Variants in PRIM1 observed in about 807,000 individuals in gnomAD.
PRIM1 encodes the protein DNA primase small subunit.
PRIM1 carries 38 observed loss-of-function variants against 60.2 expected under a neutral mutation model. The observed-to-expected ratio is 0.63, with a 90% confidence interval of 0.49 to 0.83. The LOEUF (loss-of-function observed/expected upper bound fraction) is 0.83. Among genes scored for constraint, PRIM1 ranks in the 40% least tolerant of loss-of-function variants. The pLI, the probability that PRIM1 is intolerant of heterozygous loss-of-function variation, is 0.00. For missense variants in PRIM1, 388 were observed against 506.2 expected (o/e 0.77, Z 2.24); for synonymous variants, 158 against 160.2 (o/e 0.99, Z 0.10).
At chr12:56,752,066 C>T in intron 1 of PRIM1, 130 bp downstream of exon 1, 1 of 521,220 alleles carries the variant, frequency 1.9e-6, no homozygotes, top group Non-Finnish European at 3.4e-6. Context: ...GGGGCGGGCT[C>T]GAGAGAGCAA....
At chr12:56,732,481 CCT>C (rs1318130802) in intron 12 of PRIM1, among the ~76,000 whole-genome samples, 1 of 152,134 alleles carries the variant, frequency 6.6e-6, no homozygotes, top group Non-Finnish European at 1.5e-5. Flanking sequence ...TATTCTAGTC[CCT>C]GTCTTGCCCA....
Position 56,739,289 on chromosome 12 carries a change from C to T in PRIM1, c.1052+5G>A. The T allele has an allele frequency of 1.3e-6, 2 of 1,549,258 alleles. No homozygotes were observed. Among genetic ancestry groups the T allele is most frequent in the Non-Finnish European group, 1.8e-6 (2 of 1,137,402 alleles). On this transcript the variant is annotated splice_donor_5th_base_variant and intron_variant, in intron 10 of 12. Coordinates refer to ENST00000338193, the MANE Select transcript of PRIM1 (RefSeq NM_000946.3). ...ACAAGGAGTGATCAATGATCTGAAACATACCTTATGGTCGGAACAGTAAAT... is the reference window on the plus strand; with the variant it reads ...ACAAGGAGTGATCAATGATCTGAAATATACCTTATGGTCGGAACAGTAAAT...
chr12:56,747,185 T>A (rs141399110), intron 2 of PRIM1, among the ~76,000 whole-genome samples, 153 bp from the exon 3 acceptor site: 31 of 152,344 alleles, frequency 2.0e-4, no homozygotes, highest in African/African-American at 7.0e-4. Flanking sequence ...TTTTGGATCT[T>A]ACACATACAC....
chr12:56,744,031 C>T (rs1186459243), intron 6 of PRIM1, 34 bp downstream of exon 6: 2 of 1,462,030 alleles, frequency 1.4e-6, no homozygotes, highest in Non-Finnish European at 9.4e-7. Flanking sequence ...GTAAATCAGA[C>T]ACCTTAAAGT....
intron 5 of PRIM1, among the ~76,000 whole-genome samples, chr12:56,745,037 G>A (rs576345717): frequency 2.6e-5 from 4 of 151,612 alleles, no homozygotes; most frequent in East Asian, 3.9e-4. Flanking sequence ...AACCCGGGAC[G>A]CGGAGGTTGT....
At chr12:56,745,430 C>CA (rs953522614) in intron 5 of PRIM1, among the ~76,000 whole-genome samples, 5 of 150,870 alleles carry the variant, frequency 3.3e-5, no homozygotes, top group Middle Eastern at 3.4e-3. Flanking sequence ...CAAAACAAAA[C>CA]AAAAAAAACC....
In PRIM1 at chr12:56,732,175, T is replaced by C. The variant is rs376780420; in HGVS notation, c.1244-441A>G. Among the ~76,000 whole-genome samples the C allele has an allele frequency of 8.7e-4, 133 of 152,366 alleles. No homozygotes were observed. The South Asian group carries it at 0.013, about 15-fold the overall frequency. On this transcript the variant is annotated intron_variant, in intron 12 of 12. Coordinates refer to ENST00000338193, the MANE Select transcript of PRIM1 (RefSeq NM_000946.3). ...TGCTGATTTTTTTCATATTGGCTTA[T>C]ACATATGCTCATATGTCTCCCATTT...
intron 2 of PRIM1, among the ~76,000 whole-genome samples, chr12:56,750,787 C>T (rs770286682): frequency 8.5e-5 from 13 of 152,086 alleles, no homozygotes; most frequent in Non-Finnish European, 1.9e-4. Context: ...ATGTCGACTT[C>T]CTCTTCCTAG....
rs964079466 is a variant in PRIM1, at chr12:56,741,757, T to C, written c.829A>G (p.Ser277Gly). Reference sequence around the variant, plus strand: ...TCAGTGGCATATACCTGATATCTGCTGGCTACTTTCTTCAAGTGCTCCCAA... The same window carrying C: ...TCAGTGGCATATACCTGATATCTGCCGGCTACTTTCTTCAAGTGCTCCCAA... ...QRWEHLKKVA[S>G]RYQNNIKNDK... The change falls in exon 8 of 13, where the codon AGC becomes GGC. Residue 277 changes from serine to glycine, a missense_variant. Physicochemically the swap from Ser to Gly is moderately conservative, Grantham distance 56. Transcript: ENST00000338193. 3.1e-6 allele frequency: 5 copies of C among 1,613,792 alleles called. No individual in the cohort carries two copies. The African/African-American group carries it at 4.0e-5, about 13-fold the overall frequency.
At position 56,734,279 on chromosome 12, in the gene PRIM1, T is replaced by C. The variant is rs1953806930; in HGVS notation, c.1145-34A>G. ...TGAAGAATGTACATTATAATTAGCA[T>C]ACTGGCAGCAAGAATAACATGAAAA... On this transcript the variant is annotated intron_variant, in intron 11 of 12. Coordinates refer to ENST00000338193, the MANE Select transcript of PRIM1 (RefSeq NM_000946.3). The C allele has an allele frequency of 3.8e-6, 5 of 1,320,322 alleles. No individual in the cohort carries two copies. The East Asian group carries it at 9.3e-5, about 25-fold the overall frequency. The allele number at this position is 1,320,322 out of a possible 1,614,324, so 81.8% of individuals were successfully genotyped here. A position where few individuals can be genotyped will look rare whatever the true frequency, so the allele number is the denominator to read the frequency against.
At chr12:56,744,194 A>G in intron 5 of PRIM1, 71 bp from the exon 6 acceptor site, 1 of 1,186,456 alleles carries the variant, frequency 8.4e-7, no homozygotes, top group Non-Finnish European at 1.2e-6. Flanking sequence ...GCATAACGAC[A>G]TTTTAGTCAT....
chr12:56,741,602 G>A lies in PRIM1; in HGVS notation c.841-26C>T, dbSNP rs7971988. On this transcript the variant is annotated intron_variant, in intron 8 of 12. Transcript: ENST00000338193. ...CTAAAAGCAGATACAAGGCCAACATGAGGATCAGTAGGAACTGTTGAAGAT... is the reference window on the plus strand; with the variant it reads ...CTAAAAGCAGATACAAGGCCAACATAAGGATCAGTAGGAACTGTTGAAGAT... The A allele has an allele frequency of 1.9e-4, 306 of 1,604,430 alleles. No homozygotes were observed. The African/African-American group carries it at 3.7e-3, about 19-fold the overall frequency.
chr12:56,736,508 C>CT (rs63112961), intron 11 of PRIM1, among the ~76,000 whole-genome samples: 41 of 146,308 alleles, frequency 2.8e-4, no homozygotes, highest in African/African-American at 5.0e-4. Context: ...AGAAATTATA[C>CT]TTTTTTTTTT....
At chr12:56,748,374 T>C (rs1434806058) in intron 2 of PRIM1, among the ~76,000 whole-genome samples, 1 of 152,078 alleles carries the variant, frequency 6.6e-6, no homozygotes, top group Non-Finnish European at 1.5e-5. Context: ...ACGACTGTAA[T>C]CTCAGCACTT....
intron 5 of PRIM1, 67 bp from the exon 6 acceptor site, chr12:56,744,190 C>G: frequency 2.4e-6 from 3 of 1,240,502 alleles, no homozygotes; most frequent in Non-Finnish European, 2.3e-6. Context: ...TGCAGCATAA[C>G]GACATTTTAG....
intron 11 of PRIM1, 36 bp from the exon 12 acceptor site, chr12:56,734,281 C>T (rs1374132550): frequency 2.3e-6 from 3 of 1,308,636 alleles, no homozygotes; most frequent in Non-Finnish European, 3.2e-6. Flanking sequence ...AATTAGCATA[C>T]TGGCAGCAAG....
chr12:56,736,463 G>A (rs1430959550), intron 11 of PRIM1, among the ~76,000 whole-genome samples: 1 of 151,704 alleles, frequency 6.6e-6, no homozygotes, highest in Admixed American at 6.6e-5. Flanking sequence ...ATGGAATTAA[G>A]AATCCTCATA....
chr12:56,738,724 G>A (rs1422174531), intron 10 of PRIM1, among the ~76,000 whole-genome samples, 199 bp from the exon 11 acceptor site: 2 of 152,126 alleles, frequency 1.3e-5, no homozygotes, highest in African/African-American at 4.8e-5. Context: ...GCTAATTTTT[G>A]TATTTTTAGT....
intron 2 of PRIM1, among the ~76,000 whole-genome samples, chr12:56,748,382 C>T (rs1953922826): frequency 6.6e-6 from 1 of 152,058 alleles, no homozygotes; most frequent in Non-Finnish European, 1.5e-5. Context: ...AATCTCAGCA[C>T]TTTGGGAGGC....
Sources: allele counts gnomAD v4.1 joint callset (sites outside exome capture counted in the v4.1 genomes callset), GRCh38; gene constraint gnomAD v4.1.1; transcripts MANE v1.5; gene names NCBI Gene and HGNC (gene_info 2026-07-23, HGNC 2026-07-21).